LOXHD1: variants seen among roughly 807,000 people sequenced by gnomAD.
The protein encoded by LOXHD1 is lipoxygenase homology domain-containing protein 1.
Under a neutral mutation model 248.2 loss-of-function variants are expected in LOXHD1, and 205 were observed. The ratio of observed to expected loss-of-function variants is 0.83; its 90% confidence interval spans 0.74 to 0.93. The LOEUF (loss-of-function observed/expected upper bound fraction) is 0.93. LOXHD1 is among the 40% of genes least tolerant of loss of function. LOXHD1 has a pLI of 0.00. For missense variants in LOXHD1, 2,930 were observed against 2,971.6 expected (o/e 0.99, Z 0.33); for synonymous variants, 1,113 against 1,162.8 (o/e 0.96, Z 0.87).
rs1599001348 is a variant in LOXHD1, at chr18:46,559,321, A to G, written c.3216+127T>C. 3 of 1,546,984 alleles carry G rather than the reference A, an allele frequency of 1.9e-6. No homozygotes were observed. The African/African-American group carries it at 4.1e-5, about 21-fold the overall frequency. ...GTTACTGAAGAGGTACTGCCATGAA[A>G]CCTGGTGGGATGAACAAGTCACACT... is the stretch of plus-strand genomic sequence containing the variant. On this transcript the variant is annotated intron_variant, in intron 20 of 40. Coordinates refer to ENST00000642948, the MANE Select transcript of LOXHD1 (RefSeq NM_001384474.1).
chr18:46,555,977 A>G (rs1049903531), intron 21 of LOXHD1, among the ~76,000 whole-genome samples: 10 of 152,092 alleles, frequency 6.6e-5, no homozygotes, highest in Non-Finnish European at 1.5e-4. Context: ...GCTTGCGGAC[A>G]TCCATAAGCT....
chr18:46,497,435 T>C (rs1225136902), intron 37 of LOXHD1, among the ~76,000 whole-genome samples: 1 of 152,092 alleles, frequency 6.6e-6, no homozygotes, highest in Non-Finnish European at 1.5e-5. Context: ...TCAGGAAAAC[T>C]AAGAAAGTCT....
chr18:46,643,911 A>G (rs1227747156), intron 2 of LOXHD1, among the ~76,000 whole-genome samples: 2 of 152,252 alleles, frequency 1.3e-5, no homozygotes, highest in Admixed American at 1.3e-4. Flanking sequence ...GTAGGTTAAG[A>G]CCAGAATGTA....
At chr18:46,532,300 G>A (rs1175862946) in intron 28 of LOXHD1, among the ~76,000 whole-genome samples, 1 of 152,196 alleles carries the variant, frequency 6.6e-6, no homozygotes, top group Non-Finnish European at 1.5e-5. Flanking sequence ...AGAGCTGAAT[G>A]GCTCATGAAT....
At chr18:46,587,919 G>A (rs2038092726) in intron 12 of LOXHD1, among the ~76,000 whole-genome samples, 1 of 152,150 alleles carries the variant, frequency 6.6e-6, no homozygotes, top group African/African-American at 2.4e-5. Flanking sequence ...TTGGCTCTCA[G>A]ACATGGCATT....
At chr18:46,506,767 G>T (rs1382343226) in intron 36 of LOXHD1, among the ~76,000 whole-genome samples, 3 of 152,194 alleles carry the variant, frequency 2.0e-5, no homozygotes, top group Non-Finnish European at 4.4e-5. Flanking sequence ...CTGGCAAGAG[G>T]CTTCTCTGTT....
intron 3 of LOXHD1, among the ~76,000 whole-genome samples, chr18:46,641,232 C>A (rs1290252090): frequency 1.3e-5 from 2 of 152,132 alleles, no homozygotes; most frequent in African/African-American, 4.8e-5. Flanking sequence ...AAAATCAGGA[C>A]TAAACTGAGG....
At chr18:46,651,529 C>T (rs910029518) in intron 1 of LOXHD1, among the ~76,000 whole-genome samples, 2 of 151,696 alleles carry the variant, frequency 1.3e-5, no homozygotes, top group South Asian at 4.2e-4. Flanking sequence ...GACATAGACA[C>T]CGGAGAATGC....
Position 46,529,118 on chromosome 18 carries a change from C to T in LOXHD1, c.4530+59G>A, listed in dbSNP as rs530446194. The stretch of plus-strand genomic sequence containing the variant: ...CCCCAGGAACCAAGAAGAGCTGGCA[C>T]CTAGATCGCTGGGCCTGGAGAGGAG... On this transcript the variant is annotated intron_variant, in intron 29 of 40. Coordinates refer to ENST00000642948, the MANE Select transcript of LOXHD1 (RefSeq NM_001384474.1). 8.7e-5 allele frequency: 135 copies of T among 1,544,308 alleles called. No homozygotes were observed. The African/African-American group carries it at 1.5e-3, about 17-fold the overall frequency.
chr18:46,627,364 T>C (rs2038757023), intron 4 of LOXHD1, among the ~76,000 whole-genome samples: 1 of 152,086 alleles, frequency 6.6e-6, no homozygotes, highest in Non-Finnish European at 1.5e-5. Flanking sequence ...GGCCAACACC[T>C]GTGGCTAAAG....
At chr18:46,578,268 GTA>G (rs1489458813) in intron 13 of LOXHD1, among the ~76,000 whole-genome samples, 1 of 152,154 alleles carries the variant, frequency 6.6e-6, no homozygotes, top group Admixed American at 6.5e-5. Context: ...CTTGCTAATT[GTA>G]TAGTTTTGCT....
At chr18:46,540,319 G>A (rs2036502749) in intron 25 of LOXHD1, among the ~76,000 whole-genome samples, 1 of 152,204 alleles carries the variant, frequency 6.6e-6, no homozygotes. Context: ...GACAGCCCAG[G>A]GAGGTGACCA....
rs532103373 is a variant in LOXHD1, at chr18:46,643,849, A to C, written c.246-1813T>G. On this transcript the variant is annotated intron_variant, in intron 2 of 40. Coordinates refer to ENST00000642948, the MANE Select transcript of LOXHD1 (RefSeq NM_001384474.1). Reference sequence around the variant, plus strand: ...ACCATTAAAAATCCTATTGTAAAAAAAAATACTTAATGAAACAGAAATAGG... The same window carrying C: ...ACCATTAAAAATCCTATTGTAAAAACAAATACTTAATGAAACAGAAATAGG... Among the ~76,000 whole-genome samples, 8 of 152,216 alleles carry C rather than the reference A, an allele frequency of 5.3e-5. No homozygotes were observed. In the South Asian group the frequency reaches 1.7e-3, roughly 32 times the overall value.
chr18:46,519,617 C>T (rs899535748), intron 33 of LOXHD1, among the ~76,000 whole-genome samples: 2 of 152,070 alleles, frequency 1.3e-5, no homozygotes, highest in African/African-American at 4.8e-5. Flanking sequence ...AACAAAAGTG[C>T]GAGCCTGACA....
intron 17 of LOXHD1, 89 bp downstream of exon 17, chr18:46,566,168 C>T: frequency 7.2e-7 from 1 of 1,397,298 alleles, no homozygotes; most frequent in South Asian, 1.4e-5. Flanking sequence ...GTCAGCAAGA[C>T]CTGCTTTGCC....
At chr18:46,548,497 G>A (rs982502722) in intron 21 of LOXHD1, among the ~76,000 whole-genome samples, 7 of 152,212 alleles carry the variant, frequency 4.6e-5, no homozygotes, top group Non-Finnish European at 7.3e-5. Context: ...AAAGGAGCTC[G>A]ACCTGGGGCA....
intron 12 of LOXHD1, among the ~76,000 whole-genome samples, chr18:46,588,804 C>T (rs1266975981): frequency 1.3e-5 from 2 of 152,196 alleles, no homozygotes; most frequent in African/African-American, 2.4e-5. Context: ...AGGTTTGTCT[C>T]TCCGTTCCAT....
chr18:46,485,325 G>A (rs2032965414), intron 38 of LOXHD1, among the ~76,000 whole-genome samples, 174 bp from the exon 39 acceptor site: 2 of 151,848 alleles, frequency 1.3e-5, no homozygotes, highest in Non-Finnish European at 2.9e-5. Context: ...GAATCTGCCC[G>A]GATTCTGGGG....
intron 5 of LOXHD1, among the ~76,000 whole-genome samples, chr18:46,611,680 A>C (rs189345771): frequency 1.9e-4 from 29 of 152,318 alleles, no homozygotes; most frequent in Admixed American, 6.5e-4. Context: ...AGAAAATAAT[A>C]TAAGACATTC....
Sources: allele counts gnomAD v4.1 joint callset (sites outside exome capture counted in the v4.1 genomes callset), GRCh38; gene constraint gnomAD v4.1.1; transcripts MANE v1.5; gene names NCBI Gene and HGNC (gene_info 2026-07-23, HGNC 2026-07-21).